The following PPP1R16B variants were observed in gnomAD, a reference collection of about 807,000 sequenced individuals.
PPP1R16B encodes the protein protein phosphatase 1 regulatory inhibitor subunit 16B.
Under a neutral mutation model 61.7 loss-of-function variants are expected in PPP1R16B, and 14 were observed. The observed-to-expected ratio is 0.23, with a 90% CI of 0.15 to 0.35. The LOEUF (loss-of-function observed/expected upper bound fraction) is 0.35. PPP1R16B is among the 10% of genes least tolerant of loss of function. PPP1R16B has a pLI of 1.00. For synonymous variants in PPP1R16B, 266 were observed against 305.3 expected (o/e 0.87, Z 1.34); for missense variants, 547 against 752.5 (o/e 0.73, Z 3.19).
intron 2 of PPP1R16B, among the ~76,000 whole-genome samples, chr20:38,881,444 G>C (rs796872030): frequency 8.5e-5 from 13 of 152,330 alleles, no homozygotes; most frequent in African/African-American, 3.1e-4. Context: ...CAGCAGTCCT[G>C]ACAGCACCTT....
intron 1 of PPP1R16B, among the ~76,000 whole-genome samples, chr20:38,832,145 C>A (rs1458514029): frequency 6.6e-6 from 1 of 152,164 alleles, no homozygotes; most frequent in African/African-American, 2.4e-5. Context: ...CACTATCTAG[C>A]GGTGGTATGT....
At chr20:38,826,247 CTGTT>C (rs908765282) in intron 1 of PPP1R16B, among the ~76,000 whole-genome samples, 5 of 152,162 alleles carry the variant, frequency 3.3e-5, no homozygotes, top group African/African-American at 1.2e-4. Flanking sequence ...CCTGGAGAAA[CTGTT>C]TGTAATTTGA....
intron 3 of PPP1R16B, among the ~76,000 whole-genome samples, chr20:38,893,432 T>C (rs973677971): frequency 6.6e-6 from 1 of 152,072 alleles, no homozygotes; most frequent in African/African-American, 2.4e-5. Flanking sequence ...GAAGAAGCTC[T>C]CTCTGGTCGA....
At chr20:38,877,419 C>G (rs533047811) in intron 2 of PPP1R16B, among the ~76,000 whole-genome samples, 1 of 152,176 alleles carries the variant, frequency 6.6e-6, no homozygotes, top group South Asian at 2.1e-4. Context: ...AAGCAATTCT[C>G]CACCTCAGCC....
At chr20:38,855,988 G>GAGGAGGAGGAGGAGGAGGAGGAGC in intron 2 of PPP1R16B, among the ~76,000 whole-genome samples, 1 of 102,868 alleles carries the variant, frequency 9.7e-6, no homozygotes, top group Non-Finnish European at 2.0e-5. Context: ...AGAGAAGGAG[G>GAGGAGGAGGAGGAGGAGGAGGAGC]AGGAGAGAGA....
At chr20:38,863,486 G>C (rs1046116543) in intron 2 of PPP1R16B, among the ~76,000 whole-genome samples, 2 of 152,228 alleles carry the variant, frequency 1.3e-5, no homozygotes, top group African/African-American at 4.8e-5. Context: ...CGTAGCCTGA[G>C]CCCACACCAT....
chr20:38,895,890 C>CTCCCTTCCTCCTTCCTTCTTTCT (rs2145767035), intron 4 of PPP1R16B, among the ~76,000 whole-genome samples, 180 bp downstream of exon 4: 1 of 106,156 alleles, frequency 9.4e-6, no homozygotes, highest in East Asian at 3.1e-4. Flanking sequence ...TTCTTTCTTC[C>CTCCCTTCCTCCTTCCTTCTTTCT]CTCCCTCCCT....
intron 1 of PPP1R16B, among the ~76,000 whole-genome samples, chr20:38,832,527 A>T (rs754125965): frequency 2.0e-5 from 3 of 152,220 alleles, no homozygotes; most frequent in Non-Finnish European, 4.4e-5. Context: ...AGCAGTGACA[A>T]TCCCAAATGC....
At chr20:38,887,443 G>A (rs1419205620) in intron 2 of PPP1R16B, among the ~76,000 whole-genome samples, 5 of 152,190 alleles carry the variant, frequency 3.3e-5, no homozygotes, top group Non-Finnish European at 7.3e-5. Context: ...CATAGGAAGA[G>A]TTGTGGACTT....
At chr20:38,811,183 G>A (rs1358777135) in intron 1 of PPP1R16B, among the ~76,000 whole-genome samples, 3 of 152,134 alleles carry the variant, frequency 2.0e-5, no homozygotes, top group Non-Finnish European at 2.9e-5. Flanking sequence ...TGAGCCCCAC[G>A]GTGGCCCCAG....
intron 3 of PPP1R16B, among the ~76,000 whole-genome samples, chr20:38,891,240 C>T (rs2085289970): frequency 1.3e-5 from 2 of 152,156 alleles, no homozygotes; most frequent in Non-Finnish European, 1.5e-5. Context: ...GGAGCTGTCA[C>T]CCACTAGCTA....
intron 2 of PPP1R16B, among the ~76,000 whole-genome samples, chr20:38,849,695 A>AAAC (rs1555803872): frequency 1.4e-5 from 2 of 147,362 alleles, no homozygotes. Flanking sequence ...CAAAAAAAAA[A>AAAC]CAAAAAACTG....
chr20:38,849,873 C>T (rs1257975081), intron 2 of PPP1R16B, among the ~76,000 whole-genome samples: 2 of 152,284 alleles, frequency 1.3e-5, no homozygotes, highest in East Asian at 1.9e-4. Context: ...AGGTCAAGCG[C>T]TGCATTTATC....
rs2085609923 is a variant in PPP1R16B, at chr20:38,922,731, A to T, written c.*4065A>T. 6.5e-6 allele frequency: 1 copy of T among 152,698 alleles called. No homozygotes were observed. Among genetic ancestry groups the T allele is most frequent in the African/African-American group, 2.4e-5 (1 of 41,466 alleles). The allele number at this position is 152,698 out of a possible 1,614,324, so 9.5% of individuals were successfully genotyped here. A position where few individuals can be genotyped will look rare whatever the true frequency, so the allele number is the denominator to read the frequency against. ...AAAAATGTATTTTATGTGAAAAAAAATTAAAACTCTGTATACTGTATCAGC... is the reference window on the plus strand; with the variant it reads ...AAAAATGTATTTTATGTGAAAAAAATTTAAAACTCTGTATACTGTATCAGC... On this transcript the variant is annotated 3_prime_UTR_variant, in exon 11 of 11. Transcript: ENST00000299824.
chr20:38,858,739 G>C (rs1271259909), intron 2 of PPP1R16B, among the ~76,000 whole-genome samples: 1 of 152,200 alleles, frequency 6.6e-6, no homozygotes, highest in East Asian at 1.9e-4. Context: ...GAAGCAAGTA[G>C]GGATGTAGAA....
At position 38,836,182 on chromosome 20, in the gene PPP1R16B, C is replaced by T. The variant is rs1568657375; in HGVS notation, c.250+7C>T. On this transcript the variant is annotated splice_region_variant and intron_variant, in intron 2 of 10. Transcript: ENST00000299824. ...AGGAACGACGCCGAGGAAGGTAGGC[C>T]CCTCTGTGCCTTGGCGGCCACGCAG... 6.2e-7 allele frequency: 1 copy of T among 1,604,752 alleles called. No individual in the cohort carries two copies. Among genetic ancestry groups the T allele is most frequent in the Admixed American group, 1.7e-5 (1 of 59,740 alleles).
chr20:38,861,355 C>T (rs1211086204), intron 2 of PPP1R16B, among the ~76,000 whole-genome samples: 2 of 152,154 alleles, frequency 1.3e-5, no homozygotes, highest in East Asian at 3.9e-4. Context: ...AGGATGAGAC[C>T]CCTTCCCACT....
At chr20:38,909,153 C>G (rs1334670223) in intron 10 of PPP1R16B, among the ~76,000 whole-genome samples, 2 of 152,128 alleles carry the variant, frequency 1.3e-5, no homozygotes, top group Admixed American at 1.3e-4. Context: ...AGGCGGGGGC[C>G]ATCACGACTG....
chr20:38,848,670 G>A (rs935199087), intron 2 of PPP1R16B, among the ~76,000 whole-genome samples: 1 of 152,178 alleles, frequency 6.6e-6, no homozygotes, highest in Non-Finnish European at 1.5e-5. Flanking sequence ...GACATGGATG[G>A]AGCTGGAGGC....
Sources: gnomAD v4.1 joint callset for allele counts (sites outside exome capture counted in the v4.1 genomes callset) on GRCh38, gnomAD v4.1.1 for gene constraint, MANE v1.5 for transcripts, NCBI Gene and HGNC (gene_info 2026-07-23, HGNC 2026-07-21) for gene names.